The following PDE4D variants were observed in gnomAD, a reference collection of about 807,000 sequenced individuals.
PDE4D encodes the protein 3',5'-cyclic-AMP phosphodiesterase 4D.
In PDE4D, 24 loss-of-function variants were observed where a neutral mutation model predicts 87.4. The observed-to-expected ratio is 0.27, with a 90% CI of 0.20 to 0.39. The LOEUF (loss-of-function observed/expected upper bound fraction) is 0.39, where lower values mean the gene tolerates loss of function less well. Ranked by LOEUF, PDE4D falls within the 10% of genes least tolerant of loss-of-function variation. PDE4D has a pLI of 1.00. For synonymous variants in PDE4D, 384 were observed against 383.2 expected (o/e 1.00, Z -0.02); for missense variants, 714 against 1,041.0 (o/e 0.69, Z 4.32).
intron 6 of PDE4D, chr5:58,999,835 CTT>C: frequency 1.0e-6 from 1 of 990,328 alleles, no homozygotes; most frequent in Non-Finnish European, 1.2e-6. Flanking sequence ...GGGTCTGCAT[CTT>C]TCTCTCCCGA....
At chr5:60,025,304 C>G (rs1168011427) in intron 2 of PDE4D, among the ~76,000 whole-genome samples, 2 of 152,078 alleles carry the variant, frequency 1.3e-5, no homozygotes, top group African/African-American at 4.8e-5. Context: ...GTTAAGCAAA[C>G]CTTTGGAAGC....
At chr5:59,488,381 T>A (rs1805551975) in intron 1 of PDE4D, among the ~76,000 whole-genome samples, 1 of 152,176 alleles carries the variant, frequency 6.6e-6, no homozygotes, top group Admixed American at 6.5e-5. Context: ...GTGCATCTTG[T>A]AAGATTTGGA....
chr5:59,979,097 C>T (rs1761643550), intron 3 of PDE4D, among the ~76,000 whole-genome samples: 1 of 151,944 alleles, frequency 6.6e-6, no homozygotes, highest in African/African-American at 2.4e-5. Context: ...GGATCTGAAC[C>T]CACAATATCT....
intron 2 of PDE4D, among the ~76,000 whole-genome samples, chr5:60,128,626 A>C (rs541757168): frequency 6.6e-6 from 1 of 152,342 alleles, no homozygotes; most frequent in African/African-American, 2.4e-5. Flanking sequence ...CTGACTTAGC[A>C]TGAATGAGAG....
chr5:59,152,677 G>A (rs1169467927), intron 5 of PDE4D, among the ~76,000 whole-genome samples: 6 of 151,672 alleles, frequency 4.0e-5, no homozygotes, highest in Non-Finnish European at 7.4e-5. Flanking sequence ...TAAATTGACC[G>A]GTTATTTTGA....
chr5:59,599,240 T>TC, intron 1 of PDE4D, among the ~76,000 whole-genome samples: 1 of 150,780 alleles, frequency 6.6e-6, no homozygotes, highest in East Asian at 1.9e-4. Context: ...CTTTTTCTTT[T>TC]TTTTTTTTTG....
At chr5:59,824,675 C>T (rs1374011732) in intron 1 of PDE4D, among the ~76,000 whole-genome samples, 4 of 152,224 alleles carry the variant, frequency 2.6e-5, no homozygotes, top group East Asian at 1.9e-4. Context: ...ATGAATTTGG[C>T]GGGAAAGTCC....
At chr5:59,500,854 C>T (rs922444939) in intron 1 of PDE4D, among the ~76,000 whole-genome samples, 10 of 152,150 alleles carry the variant, frequency 6.6e-5, no homozygotes, top group South Asian at 2.1e-4. Flanking sequence ...TAAACTCTAA[C>T]CCTTTATTTC....
intron 1 of PDE4D, among the ~76,000 whole-genome samples, chr5:59,799,195 GC>G (rs1766839674): frequency 6.6e-6 from 1 of 152,160 alleles, no homozygotes; most frequent in Non-Finnish European, 1.5e-5. Flanking sequence ...CACACCCCCA[GC>G]CCCTGCACTG....
At chr5:60,389,042 G>A (rs1434948354) in intron 1 of PDE4D, among the ~76,000 whole-genome samples, 1 of 151,894 alleles carries the variant, frequency 6.6e-6, no homozygotes, top group African/African-American at 2.4e-5. Context: ...TGCCATCCAA[G>A]AAATTATGAT....
At chr5:60,298,847 GA>G (rs1366027402) in intron 1 of PDE4D, among the ~76,000 whole-genome samples, 1 of 152,096 alleles carries the variant, frequency 6.6e-6, no homozygotes, top group Non-Finnish European at 1.5e-5. Flanking sequence ...AACAACAAGA[GA>G]AACATACCAA....
intron 1 of PDE4D, among the ~76,000 whole-genome samples, chr5:59,747,682 T>C (rs149983839): frequency 6.6e-6 from 1 of 152,296 alleles, no homozygotes; most frequent in East Asian, 1.9e-4. Flanking sequence ...ACACTTTTCA[T>C]ACACTCTGAA....
At position 59,329,074 on chromosome 5, in the gene PDE4D, C is replaced by T. The variant is rs115562200; in HGVS notation, c.456-113106G>A. 3.2e-3 allele frequency among the ~76,000 whole-genome samples: 488 copies of T among 152,232 alleles called. 3 individuals carry two copies. Among genetic ancestry groups the T allele is most frequent in the Non-Finnish European group, 4.3e-3 (291 of 68,022 alleles). On this transcript the variant is annotated intron_variant, in intron 1 of 14. Transcript: ENST00000340635. Reference sequence around the variant, plus strand: ...TGCAAGAAGGCCATTTTGGATGTTTCGCTAAGGAATCCAAGAGTGCAAGGC... The same window carrying T: ...TGCAAGAAGGCCATTTTGGATGTTTTGCTAAGGAATCCAAGAGTGCAAGGC...
At position 59,817,742 on chromosome 5, in the gene PDE4D, AC is replaced by A. The variant is rs567130519; in HGVS notation, c.455+75425del. Among the ~76,000 whole-genome samples the A allele has an allele frequency of 2.8e-4, 34 of 122,320 alleles. 1 individual carries two copies. The highest frequency in any genetic ancestry group is 6.9e-4 in the East Asian group (3 of 4,374). The allele number at this position is 122,320 out of a possible 152,430, so 80.2% of individuals were successfully genotyped here. ...CACGCGCGCGCGCGCACACACCCAC[AC>A]CCCCCCCCACACACACACAGAAAGG... is the stretch of plus-strand genomic sequence containing the variant. On this transcript the variant is annotated intron_variant, in intron 1 of 14. Coordinates refer to ENST00000340635, the MANE Select transcript of PDE4D (RefSeq NM_001104631.2).
chr5:59,047,222 G>A lies in PDE4D; in HGVS notation c.809-8251C>T, dbSNP rs369487753. 2.6e-4 allele frequency among the ~76,000 whole-genome samples: 40 copies of A among 152,072 alleles called. 1 individual carries two copies. The highest frequency in any genetic ancestry group is 9.2e-4 in the African/African-American group (38 of 41,478). On this transcript the variant is annotated intron_variant, in intron 5 of 14. Coordinates refer to ENST00000340635, the MANE Select transcript of PDE4D (RefSeq NM_001104631.2). ...AACTAATACCTAGGTATAACCTCGGGGTCCAGAAACTTAATAGTTACCTGG... is the reference window on the plus strand; with the variant it reads ...AACTAATACCTAGGTATAACCTCGGAGTCCAGAAACTTAATAGTTACCTGG...
intron 1 of PDE4D, among the ~76,000 whole-genome samples, chr5:59,835,595 G>T (rs1196898678): frequency 6.6e-6 from 1 of 151,964 alleles, no homozygotes; most frequent in East Asian, 1.9e-4. Context: ...TAATAAGTTG[G>T]ATAATACGTA....
chr5:60,437,723 C>T (rs1182326364), intron 1 of PDE4D, among the ~76,000 whole-genome samples: 1 of 152,046 alleles, frequency 6.6e-6, no homozygotes, highest in Non-Finnish European at 1.5e-5. Context: ...ATCTTTGAAT[C>T]CATTATGGAA....
At chr5:59,170,488 C>T (rs547275290) in intron 5 of PDE4D, among the ~76,000 whole-genome samples, 1 of 152,094 alleles carries the variant, frequency 6.6e-6, no homozygotes, top group Non-Finnish European at 1.5e-5. Context: ...TCACCAGTGC[C>T]CTTTCTAGGC....
chr5:60,376,469 T>TCCC (rs1432511937), intron 1 of PDE4D, among the ~76,000 whole-genome samples: 1 of 152,128 alleles, frequency 6.6e-6, no homozygotes, highest in Non-Finnish European at 1.5e-5. Context: ...AGCCTCCTAC[T>TCCC]CCCTAGTCTC....
Sources: allele counts gnomAD v4.1 joint callset (sites outside exome capture counted in the v4.1 genomes callset), GRCh38; gene constraint gnomAD v4.1.1; transcripts MANE v1.5; gene names NCBI Gene and HGNC (gene_info 2026-07-23, HGNC 2026-07-21).